Variants in MDGA2 observed in about 807,000 individuals in gnomAD.
MDGA2 encodes MAM domain-containing glycosylphosphatidylinositol anchor protein 2.
In MDGA2, 40 loss-of-function variants were observed where a neutral mutation model predicts 117.8. The observed-to-expected ratio is 0.34, with a 90% CI of 0.26 to 0.44. The LOEUF (loss-of-function observed/expected upper bound fraction) is 0.44. MDGA2 is among the 20% of genes least tolerant of loss of function. The probability of loss-of-function intolerance (pLI) is 1.00; values close to 1 mark genes in which losing one functional copy is unlikely to be tolerated. For missense variants in MDGA2, 1,123 were observed against 1,250.6 expected (o/e 0.90, Z 1.54); for synonymous variants, 452 against 439.0 (o/e 1.03, Z -0.37).
At chr14:47,361,220 T>C (rs925219019) in intron 1 of MDGA2, among the ~76,000 whole-genome samples, 4 of 139,328 alleles carry the variant, frequency 2.9e-5, no homozygotes, top group African/African-American at 8.1e-5. Context: ...TATATATATA[T>C]ATATATATGG....
At chr14:47,001,075 G>C (rs1415983878) in intron 8 of MDGA2, among the ~76,000 whole-genome samples, 1 of 151,988 alleles carries the variant, frequency 6.6e-6, no homozygotes, top group Admixed American at 6.6e-5. Flanking sequence ...ACTACAGTCA[G>C]GAAGTCAATT....
At chr14:47,200,590 G>T in intron 3 of MDGA2, 1 of 1,114,240 alleles carries the variant, frequency 9.0e-7, no homozygotes, top group Non-Finnish European at 1.3e-6. Context: ...CCAGGAGTCC[G>T]TGAGTCTTGA....
chr14:47,406,676 C>T (rs1000018385), intron 1 of MDGA2, among the ~76,000 whole-genome samples: 2 of 151,948 alleles, frequency 1.3e-5, no homozygotes, highest in East Asian at 1.9e-4. Flanking sequence ...TTAATGGCTA[C>T]TGATAGAAAT....
intron 1 of MDGA2, among the ~76,000 whole-genome samples, chr14:47,647,345 A>G (rs1337315137): frequency 1.3e-5 from 2 of 152,122 alleles, no homozygotes; most frequent in African/African-American, 2.4e-5. Flanking sequence ...ATTTTATTGC[A>G]CTGTATGAAT....
intron 11 of MDGA2, among the ~76,000 whole-genome samples, chr14:46,878,770 T>G (rs1202477502): frequency 6.6e-6 from 1 of 151,640 alleles, no homozygotes; most frequent in Non-Finnish European, 1.5e-5. Context: ...AATTATTTCA[T>G]AGTTAATATG....
At chr14:46,983,095 A>G (rs1272871866) in intron 8 of MDGA2, among the ~76,000 whole-genome samples, 2 of 152,136 alleles carry the variant, frequency 1.3e-5, no homozygotes, top group African/African-American at 4.8e-5. Context: ...TTCTGTTAAT[A>G]TGCTGGATTA....
intron 6 of MDGA2, among the ~76,000 whole-genome samples, chr14:47,066,616 T>C: frequency 6.6e-6 from 1 of 152,184 alleles, no homozygotes; most frequent in East Asian, 1.9e-4. Flanking sequence ...GACAACTCTC[T>C]TTGTAAAGGA....
intron 8 of MDGA2, among the ~76,000 whole-genome samples, chr14:46,977,910 T>C (rs1236880370): frequency 6.6e-6 from 1 of 151,942 alleles, no homozygotes; most frequent in Non-Finnish European, 1.5e-5. Flanking sequence ...TGTGTTGCTT[T>C]AGTCTCAGTA....
intron 5 of MDGA2, among the ~76,000 whole-genome samples, chr14:47,112,220 T>C (rs1030134151): frequency 2.0e-5 from 3 of 152,322 alleles, no homozygotes; most frequent in Non-Finnish European, 2.9e-5. Context: ...AGAAAATTTT[T>C]TGCTTATGCT....
At chr14:46,856,389 T>C (rs1015127761) in intron 14 of MDGA2, among the ~76,000 whole-genome samples, 10 of 152,122 alleles carry the variant, frequency 6.6e-5, no homozygotes, top group Admixed American at 6.6e-4. Context: ...CTTGATTGTA[T>C]CAATGTTCAA....
intron 1 of MDGA2, among the ~76,000 whole-genome samples, chr14:47,604,319 ATTTTT>A (rs1896701014): frequency 6.7e-6 from 1 of 150,248 alleles, no homozygotes; most frequent in Non-Finnish European, 1.5e-5. Flanking sequence ...TTTAGTTTTT[ATTTTT>A]ATTTTTTTAA....
chr14:46,901,402 A>C (rs1047946557), intron 10 of MDGA2, among the ~76,000 whole-genome samples: 2 of 152,236 alleles, frequency 1.3e-5, no homozygotes, highest in Non-Finnish European at 2.9e-5. Context: ...ATGAGTATTC[A>C]AGCACAAAGG....
chr14:47,611,052 C>A (rs966468578), intron 1 of MDGA2, among the ~76,000 whole-genome samples: 1 of 151,762 alleles, frequency 6.6e-6, no homozygotes, highest in South Asian at 2.1e-4. Context: ...CAGAAGTAAA[C>A]CCAAATACTT....
At chr14:46,896,360 T>C (rs1415799707) in intron 10 of MDGA2, among the ~76,000 whole-genome samples, 1 of 152,082 alleles carries the variant, frequency 6.6e-6, no homozygotes, top group Non-Finnish European at 1.5e-5. Flanking sequence ...CACAAATGTA[T>C]AAATAGAGAT....
At chr14:47,280,710 T>TA (rs998130643) in intron 2 of MDGA2, among the ~76,000 whole-genome samples, 3 of 151,806 alleles carry the variant, frequency 2.0e-5, no homozygotes, top group Non-Finnish European at 4.4e-5. Flanking sequence ...GACTCAAAAG[T>TA]AAAAAAATGG....
intron 9 of MDGA2, among the ~76,000 whole-genome samples, chr14:46,953,419 C>T (rs548284796): frequency 6.6e-6 from 1 of 151,830 alleles, no homozygotes; most frequent in East Asian, 1.9e-4. Context: ...GTATATATAA[C>T]TGTGTACATG....
chr14:47,220,168 T>C (rs1886247093), intron 2 of MDGA2, among the ~76,000 whole-genome samples: 1 of 152,152 alleles, frequency 6.6e-6, no homozygotes, highest in Non-Finnish European at 1.5e-5. Context: ...TATTTCTGAG[T>C]GGTAGAAAGA....
intron 8 of MDGA2, among the ~76,000 whole-genome samples, chr14:47,034,609 T>G (rs753144755): frequency 1.3e-5 from 2 of 152,110 alleles, no homozygotes; most frequent in Non-Finnish European, 1.5e-5. Flanking sequence ...AGTAAAAACA[T>G]GGACTGTGAA....
At chr14:47,562,168 G>A (rs1344165895) in intron 1 of MDGA2, among the ~76,000 whole-genome samples, 7 of 152,270 alleles carry the variant, frequency 4.6e-5, no homozygotes, top group African/African-American at 1.7e-4. Flanking sequence ...AGTTCTTCAA[G>A]GATAGCAGCC....
Sources: gnomAD v4.1 joint callset for allele counts (sites outside exome capture counted in the v4.1 genomes callset) on GRCh38, gnomAD v4.1.1 for gene constraint, MANE v1.5 for transcripts, NCBI Gene and HGNC (gene_info 2026-07-23, HGNC 2026-07-21) for gene names.